The following NFU1 variants were observed in gnomAD, a reference collection of about 807,000 sequenced individuals.
The protein encoded by NFU1 is NFU1 iron-sulfur cluster scaffold homolog, mitochondrial.
NFU1 carries 30 observed loss-of-function variants against 32.2 expected under a neutral mutation model. That is an observed-to-expected ratio of 0.93 (90% CI 0.70 to 1.26). NFU1 has a LOEUF of 1.26. NFU1 is among the 50% of genes most tolerant of loss of function. NFU1 has a pLI of 0.00. For missense variants in NFU1, 306 were observed against 306.6 expected, an observed-to-expected ratio of 1.00 and a Z score of 0.02; for synonymous variants, 112 against 104.6, an observed-to-expected ratio of 1.07 and a Z score of -0.43.
chr2:69,401,897 C>T (rs1255846952), intron 6 of NFU1, among the ~76,000 whole-genome samples: 10 of 123,426 alleles, frequency 8.1e-5, no homozygotes, highest in African/African-American at 2.6e-4. Context: ...TATCTTTTTT[C>T]CTTTTTTTTT....
chr2:69,409,906 G>C (rs1214445674), intron 5 of NFU1, among the ~76,000 whole-genome samples: 3 of 152,120 alleles, frequency 2.0e-5, no homozygotes, highest in African/African-American at 7.2e-5. Flanking sequence ...GAGGGGACAA[G>C]TGTCCAAACT....
At chr2:69,432,677 TA>T (rs1397907919) in intron 1 of NFU1, among the ~76,000 whole-genome samples, 2 of 152,310 alleles carry the variant, frequency 1.3e-5, no homozygotes, top group African/African-American at 2.4e-5. Flanking sequence ...TAAGCTTTTT[TA>T]TTTTTTTAAA....
intron 2 of NFU1, among the ~76,000 whole-genome samples, chr2:69,429,666 G>T (rs1411445931): frequency 6.6e-6 from 1 of 152,172 alleles, no homozygotes; most frequent in African/African-American, 2.4e-5. Context: ...ATCTAAAGTA[G>T]AAAGTATGAA....
At chr2:69,395,957 A>C, downstream of NFU1, 1 of 281,960 alleles carries the variant, frequency 3.5e-6, no homozygotes, top group Admixed American at 5.0e-5. Context: ...TAAATAAATT[A>C]GATGGGGGGA....
At chr2:69,413,338 TAA>T (rs199601356) in intron 5 of NFU1, among the ~76,000 whole-genome samples, 5 of 137,114 alleles carry the variant, frequency 3.6e-5, no homozygotes, top group Non-Finnish European at 4.7e-5. Context: ...AACATACGGG[TAA>T]AAAAAAAAAA....
chr2:69,422,002 A>G (rs1430879655), intron 3 of NFU1, among the ~76,000 whole-genome samples: 1 of 152,180 alleles, frequency 6.6e-6, no homozygotes, highest in Admixed American at 6.6e-5. Flanking sequence ...ATATATACCT[A>G]TGATAAAGTT....
upstream of NFU1, among the ~76,000 whole-genome samples, chr2:69,438,689 A>G (rs1051083467): frequency 1.3e-5 from 2 of 152,090 alleles, no homozygotes; most frequent in Non-Finnish European, 2.9e-5. Flanking sequence ...TTGAGGCCAC[A>G]CCCAAGACAA....
At chr2:69,431,282 T>C (rs1176972539) in intron 2 of NFU1, among the ~76,000 whole-genome samples, 7 of 152,090 alleles carry the variant, frequency 4.6e-5, no homozygotes, top group African/African-American at 9.7e-5. Context: ...TTTAAATACA[T>C]AGAATTCTTT....
At chr2:69,396,980 G>A (rs1426733414) in intron 7 of NFU1, among the ~76,000 whole-genome samples, 1 of 151,818 alleles carries the variant, frequency 6.6e-6, no homozygotes, top group Non-Finnish European at 1.5e-5. Flanking sequence ...ACTAAGGCAG[G>A]AGAATGGCAT....
At chr2:69,436,021 G>A (rs1673821195) in intron 1 of NFU1, among the ~76,000 whole-genome samples, 1 of 151,760 alleles carries the variant, frequency 6.6e-6, no homozygotes, top group Non-Finnish European at 1.5e-5. Flanking sequence ...TGGGATTACA[G>A]GCGTGAGCCA....
At chr2:69,436,446 T>C (rs1324287948) in intron 1 of NFU1, among the ~76,000 whole-genome samples, 3 of 152,192 alleles carry the variant, frequency 2.0e-5, no homozygotes, top group South Asian at 4.1e-4. Context: ...TTCTCGTCCC[T>C]TCAGCCCAGG....
chr2:69,423,684 G>C lies in NFU1; in HGVS notation c.200C>G (p.Pro67Arg). Residue 67 changes from proline (P) to arginine (R), a missense_variant, in exon 3 of 8, where the codon CCA becomes CGA. Physicochemically the swap from Pro to Arg is moderately radical, Grantham distance 103. Transcript: ENST00000410022. ...RYMFIQTQDT[P>R]NPNSLKFIPG... ...TATAAACTTTAAGCTGTTTGGATTT[G>C]GGGTATCTTGTGTTTGAATAAACAT... 1 of 1,606,614 alleles carries C rather than the reference G, an allele frequency of 6.2e-7. No homozygotes were observed. The highest frequency in any genetic ancestry group is 8.5e-7 in the Non-Finnish European group (1 of 1,173,274).
At chr2:69,434,102 G>A (rs958430701) in intron 1 of NFU1, among the ~76,000 whole-genome samples, 5 of 148,792 alleles carry the variant, frequency 3.4e-5, no homozygotes, top group African/African-American at 9.9e-5. Flanking sequence ...CTTTTTGGAT[G>A]GAAACATATT....
At chr2:69,428,481 T>C (rs1024862318) in intron 2 of NFU1, among the ~76,000 whole-genome samples, 10 of 152,286 alleles carry the variant, frequency 6.6e-5, no homozygotes, top group African/African-American at 1.9e-4. Flanking sequence ...TGCTAAGCAC[T>C]TTACATGTAT....
At chr2:69,404,350 G>C (rs1288113484) in intron 6 of NFU1, among the ~76,000 whole-genome samples, 2 of 150,166 alleles carry the variant, frequency 1.3e-5, no homozygotes, top group African/African-American at 4.9e-5. Flanking sequence ...AAATTAGCTG[G>C]GTGTGGTGGT....
At chr2:69,434,434 G>A (rs992429581) in intron 1 of NFU1, among the ~76,000 whole-genome samples, 1 of 152,088 alleles carries the variant, frequency 6.6e-6, no homozygotes, top group African/African-American at 2.4e-5. Context: ...GAGCCACAGC[G>A]CCAGGCCTCT....
chr2:69,424,198 A>AAAATATATATATATATAT (rs1558840147), intron 2 of NFU1, among the ~76,000 whole-genome samples: 2 of 74,544 alleles, frequency 2.7e-5, no homozygotes, highest in African/African-American at 1.1e-4. Context: ...AAAAAAAAAA[A>AAAATATATATATATATAT]ATATATATAT....
intron 5 of NFU1, among the ~76,000 whole-genome samples, chr2:69,410,163 C>T (rs1310038479): frequency 6.6e-6 from 1 of 152,026 alleles, no homozygotes; most frequent in Non-Finnish European, 1.5e-5. Context: ...CCAAGGTGGG[C>T]GGATCACCTG....
rs2104793372 is a variant in NFU1 at position 69,423,690 on chromosome 2, T to A, written c.194A>T (p.Asp65Val). The A allele has an allele frequency of 6.2e-7, 1 of 1,605,850 alleles. No individual in the cohort carries two copies. The highest frequency in any genetic ancestry group is 2.2e-5 in the East Asian group (1 of 44,848). The part of the protein sequence containing the change: ...PVRYMFIQTQ[D>V]TPNPNSLKFI... ...CTTTAAGCTGTTTGGATTTGGGGTA[T>A]CTTGTGTTTGAATAAACATGTATCT... The change falls in exon 3 of 8, where the codon GAT (aspartate) becomes GTT (valine). Residue 65 changes from aspartate (D) to valine (V), a missense_variant. Transcript: ENST00000410022.
Sources: gnomAD v4.1 joint callset for allele counts (sites outside exome capture counted in the v4.1 genomes callset) on GRCh38, gnomAD v4.1.1 for gene constraint, MANE v1.5 for transcripts, NCBI Gene and HGNC (gene_info 2026-07-23, HGNC 2026-07-21) for gene names.